Variants in GPR39 observed in about 807,000 individuals in gnomAD.
GPR39 encodes the protein G protein-coupled receptor 39.
A neutral mutation model predicts 18.4 loss-of-function variants in GPR39; 23 were observed. That is an observed-to-expected ratio of 1.25 (90% CI 0.90 to 1.77). The LOEUF is 1.77. Ranked by LOEUF, GPR39 falls within the 40% of genes most tolerant of loss-of-function variation. GPR39 has a pLI of 0.00. For missense variants in GPR39, 647 were observed against 602.4 expected, an observed-to-expected ratio of 1.07 and a Z score of -0.78; for synonymous variants, 280 against 257.9, an observed-to-expected ratio of 1.09 and a Z score of -0.82.
chr2:132,459,853 G>A (rs893397120), intron 1 of GPR39, among the ~76,000 whole-genome samples: 1 of 152,166 alleles, frequency 6.6e-6, no homozygotes, highest in East Asian at 1.9e-4. Context: ...TCAGCTTTTA[G>A]TTGTCTCCAG....
At chr2:132,602,232 A>G (rs1454242022) in intron 1 of GPR39, among the ~76,000 whole-genome samples, 2 of 152,136 alleles carry the variant, frequency 1.3e-5, no homozygotes, top group Non-Finnish European at 2.9e-5. Context: ...AAATAAATCC[A>G]TATATTTACA....
intron 1 of GPR39, among the ~76,000 whole-genome samples, chr2:132,452,785 T>C (rs1010452429): frequency 1.4e-5 from 2 of 147,968 alleles, no homozygotes; most frequent in East Asian, 3.9e-4. Flanking sequence ...GCTTCATTCA[T>C]GTCCCTGAAA....
At chr2:132,632,142 C>T (rs1181701389) in intron 1 of GPR39, among the ~76,000 whole-genome samples, 1 of 152,090 alleles carries the variant, frequency 6.6e-6, no homozygotes, top group Non-Finnish European at 1.5e-5. Context: ...GGGCAAGTTT[C>T]CTTCCCCAGG....
At chr2:132,636,750 C>T (rs1332234487) in intron 1 of GPR39, among the ~76,000 whole-genome samples, 2 of 152,226 alleles carry the variant, frequency 1.3e-5, no homozygotes, top group African/African-American at 2.4e-5. Context: ...ATTGTATTAA[C>T]AGTGCAGCCT....
At chr2:132,625,665 A>G (rs1314806441) in intron 1 of GPR39, among the ~76,000 whole-genome samples, 1 of 152,172 alleles carries the variant, frequency 6.6e-6, no homozygotes, top group Non-Finnish European at 1.5e-5. Flanking sequence ...GAAGATGTTC[A>G]CCTTCAGAGT....
chr2:132,547,972 C>A (rs917546257), intron 1 of GPR39, among the ~76,000 whole-genome samples: 8 of 152,146 alleles, frequency 5.3e-5, no homozygotes, highest in African/African-American at 1.9e-4. Context: ...CTGGAAATTT[C>A]TGCAGCCCAG....
At chr2:132,430,440 G>C (rs997489853) in intron 1 of GPR39, among the ~76,000 whole-genome samples, 1 of 152,146 alleles carries the variant, frequency 6.6e-6, no homozygotes, top group African/African-American at 2.4e-5. Context: ...CACCAAACCG[G>C]ATTCTTCTTA....
intron 1 of GPR39, among the ~76,000 whole-genome samples, chr2:132,495,417 C>T (rs764811303): frequency 6.6e-6 from 1 of 152,038 alleles, no homozygotes; most frequent in Non-Finnish European, 1.5e-5. Context: ...GTTTGGAAGC[C>T]CCAAACTGTG....
rs534805038 is a variant in GPR39 at position 132,525,889 on chromosome 2, C to T, written c.856+107991C>T. On this transcript the variant is annotated intron_variant, in intron 1 of 1. Coordinates refer to ENST00000329321, the MANE Select transcript of GPR39 (RefSeq NM_001508.3). ...CAAAAAAGGGGGTGGGGGAGCATTC[C>T]CTGAGTGCCTGAGATAAATGCTCCA... 1.2e-4 allele frequency among the ~76,000 whole-genome samples: 19 copies of T among 152,238 alleles called. 1 individual carries two copies. The highest frequency in any genetic ancestry group is 3.9e-4 in the Admixed American group (6 of 15,292).
intron 1 of GPR39, among the ~76,000 whole-genome samples, chr2:132,506,417 T>G (rs577958505): frequency 2.9e-4 from 44 of 152,182 alleles, no homozygotes; most frequent in Non-Finnish European, 4.7e-4. Context: ...TGCTCCTATT[T>G]GTCTATTTTT....
At chr2:132,468,322 T>C (rs1243934128) in intron 1 of GPR39, among the ~76,000 whole-genome samples, 1 of 152,174 alleles carries the variant, frequency 6.6e-6, no homozygotes, top group Non-Finnish European at 1.5e-5. Flanking sequence ...TGAGAGAAGC[T>C]ACAACAAAGA....
chr2:132,623,659 A>T (rs1681486982), intron 1 of GPR39, among the ~76,000 whole-genome samples: 1 of 152,064 alleles, frequency 6.6e-6, no homozygotes, highest in African/African-American at 2.4e-5. Flanking sequence ...ACTTCTCTTG[A>T]TGTTTCTTTC....
At chr2:132,522,898 A>ATC (rs1679449932) in intron 1 of GPR39, among the ~76,000 whole-genome samples, 2 of 152,214 alleles carry the variant, frequency 1.3e-5, no homozygotes, top group Non-Finnish European at 2.9e-5. Flanking sequence ...GACCTTCCTT[A>ATC]ATGCCTGAAA....
chr2:132,609,624 T>C (rs552607331), intron 1 of GPR39, among the ~76,000 whole-genome samples: 1 of 152,318 alleles, frequency 6.6e-6, no homozygotes, highest in African/African-American at 2.4e-5. Context: ...GCCAGCTGAC[T>C]CTGGGCTTCT....
intron 1 of GPR39, among the ~76,000 whole-genome samples, chr2:132,505,554 C>A (rs950180714): frequency 4.6e-5 from 7 of 152,250 alleles, no homozygotes; most frequent in African/African-American, 1.4e-4. Flanking sequence ...CTTTACCCAC[C>A]CCACACACCC....
chr2:132,418,681 A>C (rs1382142758), intron 1 of GPR39, among the ~76,000 whole-genome samples: 1 of 152,218 alleles, frequency 6.6e-6, no homozygotes, highest in African/African-American at 2.4e-5. Flanking sequence ...GGCCTCGTCT[A>C]TTTAAAAAGA....
intron 1 of GPR39, among the ~76,000 whole-genome samples, chr2:132,639,651 T>A (rs1004194982): frequency 6.6e-6 from 1 of 152,156 alleles, no homozygotes; most frequent in African/African-American, 2.4e-5. Flanking sequence ...GATAGACAGA[T>A]GGAGTCATTG....
chr2:132,562,565 A>T (rs1680272871), intron 1 of GPR39, among the ~76,000 whole-genome samples: 1 of 151,662 alleles, frequency 6.6e-6, no homozygotes, highest in Non-Finnish European at 1.5e-5. Context: ...TTCGTCTTTA[A>T]GATCCTATTT....
At position 132,486,189 on chromosome 2, in the gene GPR39, T is replaced by C. The variant is rs1161884068; in HGVS notation, c.856+68291T>C. 2.0e-5 allele frequency among the ~76,000 whole-genome samples: 3 copies of C among 152,210 alleles called. No individual in the cohort carries two copies. The South Asian group carries it at 6.2e-4, about 32-fold the overall frequency. ...TCAACAGTGGGCTTAAAATATTTAGTAAACCATGCTATAAACAGATGTGCT... is the reference window on the plus strand; with the variant it reads ...TCAACAGTGGGCTTAAAATATTTAGCAAACCATGCTATAAACAGATGTGCT... On this transcript the variant is annotated intron_variant, in intron 1 of 1. Transcript: ENST00000329321.
Sources: gnomAD v4.1 joint callset for allele counts (sites outside exome capture counted in the v4.1 genomes callset) on GRCh38, gnomAD v4.1.1 for gene constraint, MANE v1.5 for transcripts, NCBI Gene and HGNC (gene_info 2026-07-23, HGNC 2026-07-21) for gene names.